Variants in REEP1 observed in about 807,000 individuals in gnomAD.
REEP1 encodes receptor expression-enhancing protein 1.
In REEP1, 22 loss-of-function variants were observed where a neutral mutation model predicts 40.3. That is an observed-to-expected ratio of 0.55 (90% CI 0.39 to 0.78). The LOEUF is 0.78. Ranked by LOEUF, REEP1 falls within the 30% of genes least tolerant of loss-of-function variation. REEP1 has a pLI of 0.00. For missense variants in REEP1, 280 were observed against 361.1 expected (o/e 0.78, Z 1.82); for synonymous variants, 116 against 139.2 (o/e 0.83, Z 1.17).
intron 5 of REEP1, among the ~76,000 whole-genome samples, chr2:86,248,481 T>C (rs1676089369): frequency 6.6e-6 from 1 of 152,140 alleles, no homozygotes; most frequent in Non-Finnish European, 1.5e-5. Context: ...AAGGTCTTGC[T>C]CTGTCACCTA....
chr2:86,223,753 CTCTCTCTCTG>C (rs1479261087), intron 7 of REEP1: 1 of 149,800 alleles, frequency 6.7e-6, no homozygotes, highest in Non-Finnish European at 1.5e-5. Flanking sequence ...CTCTCTCTCT[CTCTCTCTCTG>C]AGAGGACAAA....
chr2:86,272,235 A>T (rs1284660069), intron 2 of REEP1, among the ~76,000 whole-genome samples: 1 of 152,216 alleles, frequency 6.6e-6, no homozygotes, highest in African/African-American at 2.4e-5. Context: ...AAAATTTTTT[A>T]AAAATCCCTT....
At chr2:86,323,459 T>TC (rs1680359744) in intron 1 of REEP1, among the ~76,000 whole-genome samples, 2 of 152,130 alleles carry the variant, frequency 1.3e-5, no homozygotes, top group Non-Finnish European at 2.9e-5. Context: ...GCAGCAGCAT[T>TC]ACCACCTGAA....
At chr2:86,309,680 C>A (rs1459119276) in intron 1 of REEP1, among the ~76,000 whole-genome samples, 6 of 152,178 alleles carry the variant, frequency 3.9e-5, no homozygotes, top group African/African-American at 1.4e-4. Flanking sequence ...TTGGCTGTGT[C>A]CTCACATGGT....
At chr2:86,249,087 AG>A (rs1383690963) in intron 5 of REEP1, among the ~76,000 whole-genome samples, 4 of 152,100 alleles carry the variant, frequency 2.6e-5, no homozygotes, top group African/African-American at 9.7e-5. Context: ...GGCAAAACCC[AG>A]TCTCTACTAA....
chr2:86,307,906 A>G (rs1679575931), intron 1 of REEP1, among the ~76,000 whole-genome samples: 1 of 152,224 alleles, frequency 6.6e-6, no homozygotes, highest in South Asian at 2.1e-4. Flanking sequence ...ATTCTCTACA[A>G]TGTTATTGGC....
chr2:86,275,738 G>A (rs943788020), intron 2 of REEP1, among the ~76,000 whole-genome samples: 1 of 152,176 alleles, frequency 6.6e-6, no homozygotes, highest in Non-Finnish European at 1.5e-5. Context: ...GCCCTACAAA[G>A]CATGTGACTC....
At chr2:86,337,734 G>A, upstream of REEP1, 3 of 898,288 alleles carry the variant, frequency 3.3e-6, no homozygotes, top group Non-Finnish European at 4.0e-6. The surrounding 1 kb of genome is among the most constrained non-coding windows in gnomAD (Gnocchi z 5.8). Flanking sequence ...GGCCCGCAGC[G>A]ATTGGGCGGT....
intron 5 of REEP1, among the ~76,000 whole-genome samples, chr2:86,236,496 C>T (rs1675329713): frequency 6.6e-6 from 1 of 152,050 alleles, no homozygotes; most frequent in Non-Finnish European, 1.5e-5. Context: ...CCCATAATTC[C>T]ATGAGCCACA....
intron 5 of REEP1, among the ~76,000 whole-genome samples, chr2:86,250,620 A>C (rs1391586065): frequency 6.7e-6 from 1 of 150,180 alleles, no homozygotes. Context: ...GACCCCCTGG[A>C]CCCCCAACCC....
chr2:86,273,389 A>G (rs1677571747), intron 2 of REEP1, among the ~76,000 whole-genome samples: 1 of 150,278 alleles, frequency 6.7e-6, no homozygotes, highest in Non-Finnish European at 1.5e-5. Flanking sequence ...GGCTCAAGTG[A>G]TTCTCCCACT....
At chr2:86,245,323 T>C (rs139678614) in intron 5 of REEP1, among the ~76,000 whole-genome samples, 4,038 of 152,302 alleles carry the variant, frequency 0.027, 154 homozygotes, top group African/African-American at 0.088. Flanking sequence ...CATGTTCCCA[T>C]GCTCAGAGCG....
chr2:86,309,126 C>T (rs1276156183), intron 1 of REEP1, among the ~76,000 whole-genome samples: 1 of 152,242 alleles, frequency 6.6e-6, no homozygotes, highest in Non-Finnish European at 1.5e-5. Flanking sequence ...AAATACCCCT[C>T]GCTGTGGGGG....
At chr2:86,244,872 C>T (rs779686793) in intron 5 of REEP1, among the ~76,000 whole-genome samples, 4 of 152,180 alleles carry the variant, frequency 2.6e-5, no homozygotes, top group African/African-American at 4.8e-5. Flanking sequence ...CAGCCAGGTG[C>T]GGTGGCTCAT....
intron 5 of REEP1, among the ~76,000 whole-genome samples, chr2:86,233,105 C>G (rs1675120732): frequency 6.6e-6 from 1 of 152,192 alleles, no homozygotes; most frequent in South Asian, 2.1e-4. Flanking sequence ...AGACCCAGGG[C>G]CAAGGGCGTG....
chr2:86,217,293 C>T (rs1034198785), intron 8 of REEP1, among the ~76,000 whole-genome samples, 183 bp from the exon 9 acceptor site: 2 of 152,156 alleles, frequency 1.3e-5, no homozygotes, highest in Admixed American at 6.5e-5. Flanking sequence ...TCCCACATAT[C>T]GCATGAAGCT....
chr2:86,272,870 C>G (rs566010854), intron 2 of REEP1, among the ~76,000 whole-genome samples: 2 of 152,262 alleles, frequency 1.3e-5, no homozygotes, highest in South Asian at 4.1e-4. Context: ...TGCCAGTAAT[C>G]CCCGCACTTT....
At chr2:86,278,353 G>A (rs926634595) in intron 2 of REEP1, among the ~76,000 whole-genome samples, 2 of 152,106 alleles carry the variant, frequency 1.3e-5, no homozygotes, top group Admixed American at 6.6e-5. Context: ...TTCAGTGTTC[G>A]GAATGCTGAA....
intron 2 of REEP1, among the ~76,000 whole-genome samples, chr2:86,280,758 G>C (rs1013119962): frequency 4.6e-5 from 7 of 152,158 alleles, no homozygotes; most frequent in Non-Finnish European, 1.0e-4. Flanking sequence ...GCCCAGGCAA[G>C]TTGTTCTGGG....
Sources: gnomAD v4.1 joint callset for allele counts (sites outside exome capture counted in the v4.1 genomes callset) on GRCh38, gnomAD v4.1.1 for gene constraint, Gnocchi (gnomAD v3.1) non-coding constraint, MANE v1.5 for transcripts, NCBI Gene and HGNC (gene_info 2026-07-23, HGNC 2026-07-21) for gene names.